Variants in AGPAT4 observed in about 807,000 individuals in gnomAD.
AGPAT4 encodes the protein 1-acyl-sn-glycerol-3-phosphate acyltransferase delta.
Under a neutral mutation model 48.0 loss-of-function variants are expected in AGPAT4, and 15 were observed. The ratio of observed to expected loss-of-function variants is 0.31; its 90% confidence interval spans 0.21 to 0.48. The LOEUF is 0.48. Among genes scored for constraint, AGPAT4 ranks in the 20% least tolerant of loss-of-function variants. The pLI is 0.99. For synonymous variants in AGPAT4, 178 were observed against 198.7 expected (o/e 0.90, Z 0.88); for missense variants, 314 against 482.5 (o/e 0.65, Z 3.27).
At position 161,142,338 on chromosome 6, in the gene AGPAT4, G is replaced by A. The variant is rs1779280721; in HGVS notation, c.844-2718C>T. ...ATGTCCGTGGCCCATCTTGGTTGTG[G>A]ACCCGTTTTGTAATAAAATTTGCCC... On this transcript the variant is annotated intron_variant, in intron 7 of 8. Coordinates refer to ENST00000320285, the MANE Select transcript of AGPAT4 (RefSeq NM_020133.3). The surrounding 1 kb of genome is among the most constrained non-coding windows in gnomAD (Gnocchi z 6.4). Among the ~76,000 whole-genome samples the A allele has an allele frequency of 6.6e-6, 1 of 152,184 alleles. No homozygotes were observed. Among genetic ancestry groups the A allele is most frequent in the Non-Finnish European group, 1.5e-5 (1 of 68,046 alleles).
At chr6:161,176,038 AG>A (rs1780418607) in intron 2 of AGPAT4, among the ~76,000 whole-genome samples, 1 of 152,204 alleles carries the variant, frequency 6.6e-6, no homozygotes, top group Non-Finnish European at 1.5e-5. Context: ...ACATTTGCTG[AG>A]GAGTGCTTTA....
chr6:161,265,020 A>G (rs113418135), intron 1 of AGPAT4, among the ~76,000 whole-genome samples: 12 of 152,300 alleles, frequency 7.9e-5, no homozygotes, highest in African/African-American at 2.9e-4. Context: ...TTGAAATACC[A>G]GCAACTGTGG....
At position 161,261,107 on chromosome 6, in the gene AGPAT4, T is replaced by A. The variant is rs1417447537; in HGVS notation, c.-90+12831A>T. ...CTCCCCCTTTTCTCCCACTGTTGAC[T>A]TGCCAAACATGTGTTTATCCTTCCA... On this transcript the variant is annotated intron_variant, in intron 1 of 8. Transcript: ENST00000320285. This position sits in a 1 kb window ranked among gnomAD's most constrained non-coding sequence, Gnocchi z 5.3. Among the ~76,000 whole-genome samples the A allele has an allele frequency of 6.6e-6, 1 of 152,182 alleles. No homozygotes were observed. The highest frequency in any genetic ancestry group is 1.5e-5 in the Non-Finnish European group (1 of 68,018).
At position 161,229,672 on chromosome 6, in the gene AGPAT4, G is replaced by A. The variant is rs905786652; in HGVS notation, c.178+2364C>T. 1.2e-4 allele frequency among the ~76,000 whole-genome samples: 18 copies of A among 152,036 alleles called. No homozygotes were observed. The highest frequency in any genetic ancestry group is 3.1e-4 in the African/African-American group (13 of 41,398). ...TGGCTTATCACCATGAGGTGCCCAC[G>A]AGCCACCCAGGATCATCACCCTCCC... On this transcript the variant is annotated intron_variant, in intron 2 of 8. Transcript: ENST00000320285. The surrounding 1 kb of genome is among the most constrained non-coding windows in gnomAD (Gnocchi z 6.0).
At chr6:161,162,952 C>T (rs576774118) in intron 3 of AGPAT4, among the ~76,000 whole-genome samples, 1 of 152,326 alleles carries the variant, frequency 6.6e-6, no homozygotes, top group East Asian at 1.9e-4. Flanking sequence ...CAGCTGACTG[C>T]GTGTCACTCT....
rs527885652 is a variant in AGPAT4, at chr6:161,240,778, G to A, written c.-89-8476C>T. On this transcript the variant is annotated intron_variant, in intron 1 of 8. Coordinates refer to ENST00000320285, the MANE Select transcript of AGPAT4 (RefSeq NM_020133.3). The surrounding 1 kb of genome is among the most constrained non-coding windows in gnomAD (Gnocchi z 5.5). ...TGAATGTGGCCAAAGTCTCCACCAG[G>A]GCGGCAACTAACTTGTACAGGTCTG... Among the ~76,000 whole-genome samples the A allele has an allele frequency of 6.6e-6, 1 of 152,164 alleles. No individual in the cohort carries two copies. Among genetic ancestry groups the A allele is most frequent in the South Asian group, 2.1e-4 (1 of 4,808 alleles).
chr6:161,202,472 C>G lies in AGPAT4; in HGVS notation c.178+29564G>C, dbSNP rs1781262389. ...CCTCACCTTGAAAGTTACAAAGCAC[C>G]ATTTATGTCACTTAGTTGAAGAGAA... On this transcript the variant is annotated intron_variant, in intron 2 of 8. Transcript: ENST00000320285. The surrounding 1 kb of genome is among the most constrained non-coding windows in gnomAD (Gnocchi z 5.4). Among the ~76,000 whole-genome samples the G allele has an allele frequency of 6.6e-6, 1 of 152,096 alleles. No individual in the cohort carries two copies. Among genetic ancestry groups the G allele is most frequent in the East Asian group, 1.9e-4 (1 of 5,180 alleles).
chr6:161,194,611 T>C (rs1433500107), intron 2 of AGPAT4, among the ~76,000 whole-genome samples: 4 of 150,596 alleles, frequency 2.7e-5, no homozygotes, highest in Non-Finnish European at 4.4e-5. Context: ...TGTGTCTATG[T>C]ATGTGTACAT....
In AGPAT4 at chr6:161,270,219, T is replaced by G. The variant is rs1056030859; in HGVS notation, c.-90+3719A>C. Among the ~76,000 whole-genome samples the G allele has an allele frequency of 1.4e-4, 21 of 152,186 alleles. No individual in the cohort carries two copies. Among genetic ancestry groups the G allele is most frequent in the African/African-American group, 5.1e-4 (21 of 41,438 alleles). The stretch of plus-strand genomic sequence containing the variant: ...ACCTATTAAACACGTAATAAACAGC[T>G]GTTGAAGAAAGAGTTCATGCTTTAA... On this transcript the variant is annotated intron_variant, in intron 1 of 8. Coordinates refer to ENST00000320285, the MANE Select transcript of AGPAT4 (RefSeq NM_020133.3). The surrounding 1 kb of genome is among the most constrained non-coding windows in gnomAD (Gnocchi z 5.3).
rs1326045237 is a variant in AGPAT4, at chr6:161,225,804, G to A, written c.178+6232C>T. On this transcript the variant is annotated intron_variant, in intron 2 of 8. Transcript: ENST00000320285. The surrounding 1 kb of genome is among the most constrained non-coding windows in gnomAD (Gnocchi z 5.0). Reference sequence around the variant, plus strand: ...GGTTGTCCCAACAGATAAACTCGTGGGCCGCTTGCTCAGTCCAGGAGGCAG... The same window carrying A: ...GGTTGTCCCAACAGATAAACTCGTGAGCCGCTTGCTCAGTCCAGGAGGCAG... Among the ~76,000 whole-genome samples the A allele has an allele frequency of 6.6e-6, 1 of 152,180 alleles. No individual in the cohort carries two copies. Among genetic ancestry groups the A allele is most frequent in the Non-Finnish European group, 1.5e-5 (1 of 68,022 alleles).
rs1562344057 is a variant in AGPAT4, at chr6:161,219,950, A to AGGCGG, written c.178+12085_178+12086insCCGCC. On this transcript the variant is annotated intron_variant, in intron 2 of 8. Coordinates refer to ENST00000320285, the MANE Select transcript of AGPAT4 (RefSeq NM_020133.3). The surrounding 1 kb of genome is among the most constrained non-coding windows in gnomAD (Gnocchi z 4.9). ...GGCAGGCAGGCAGGCAGGCAGGCAG[A>AGGCGG]CAGACAGACAGACAGACAGGCAGGC... is the stretch of plus-strand genomic sequence containing the variant. 1.1e-5 allele frequency among the ~76,000 whole-genome samples: 1 copy of AGGCGG among 91,670 alleles called. No homozygotes were observed. The allele number at this position is 91,670 out of a possible 152,430, so 60.1% of individuals were successfully genotyped here. A position where few individuals can be genotyped will look rare whatever the true frequency, so the allele number is the denominator to read the frequency against.
In AGPAT4 at chr6:161,141,901, C is replaced by T. The variant is rs576710702; in HGVS notation, c.844-2281G>A. Among the ~76,000 whole-genome samples the T allele has an allele frequency of 1.3e-3, 205 of 152,276 alleles. No homozygotes were observed. Among genetic ancestry groups the T allele is most frequent in the Non-Finnish European group, 2.2e-3 (148 of 68,014 alleles). ...TTTTTGAGACAGAGTCTCACTCTGT[C>T]GCACAGGCTGGAGTGCAATGGCACG... On this transcript the variant is annotated intron_variant, in intron 7 of 8. Coordinates refer to ENST00000320285, the MANE Select transcript of AGPAT4 (RefSeq NM_020133.3). This position sits in a 1 kb window ranked among gnomAD's most constrained non-coding sequence, Gnocchi z 6.7.
chr6:161,260,637 C>A (rs7742583), intron 1 of AGPAT4, among the ~76,000 whole-genome samples: 31,339 of 114,964 alleles, frequency 0.27, 3,863 homozygotes, highest in Admixed American at 0.44. Flanking sequence ...GCCTGGGCCA[C>A]AAAAGGAGAC....
In AGPAT4 at chr6:161,262,230, G is replaced by T. The variant is rs1187909811; in HGVS notation, c.-90+11708C>A. ...CTTAAAAAAAAATGAGCCTGAATTG[G>T]TTGGTCCAAGGTGGGGCCCAGGAAG... On this transcript the variant is annotated intron_variant, in intron 1 of 8. Coordinates refer to ENST00000320285, the MANE Select transcript of AGPAT4 (RefSeq NM_020133.3). The surrounding 1 kb of genome is among the most constrained non-coding windows in gnomAD (Gnocchi z 4.9). Among the ~76,000 whole-genome samples, 2 of 152,092 alleles carry T rather than the reference G, an allele frequency of 1.3e-5. No homozygotes were observed. Among genetic ancestry groups the T allele is most frequent in the African/African-American group, 4.8e-5 (2 of 41,418 alleles).
At chr6:161,170,062 C>T (rs921905304) in intron 2 of AGPAT4, among the ~76,000 whole-genome samples, 4 of 152,162 alleles carry the variant, frequency 2.6e-5, no homozygotes, top group Non-Finnish European at 5.9e-5. Context: ...GCAGGACATC[C>T]ACACCATCAA....
At position 161,232,466 on chromosome 6, in the gene AGPAT4, G is replaced by A. The variant is rs753561816; in HGVS notation, c.-89-164C>T. 2.0e-5 allele frequency among the ~76,000 whole-genome samples: 3 copies of A among 152,064 alleles called. No homozygotes were observed. Among genetic ancestry groups the A allele is most frequent in the African/African-American group, 7.2e-5 (3 of 41,394 alleles). On this transcript the variant is annotated intron_variant, in intron 1 of 8. Transcript: ENST00000320285. This position sits in a 1 kb window ranked among gnomAD's most constrained non-coding sequence, Gnocchi z 6.8. ...ATTGATGTAGTGCTTACTTCCTGTC[G>A]AGCATAGTCTAAGCCCTTTAACAAT...
chr6:161,150,428 G>A (rs1485711784), intron 5 of AGPAT4, among the ~76,000 whole-genome samples: 2 of 152,238 alleles, frequency 1.3e-5, no homozygotes, highest in African/African-American at 4.8e-5. Context: ...TAAATGATGA[G>A]CCAGACACTT....
intron 2 of AGPAT4, among the ~76,000 whole-genome samples, chr6:161,209,994 G>C (rs759760613): frequency 6.6e-6 from 1 of 152,124 alleles, no homozygotes; most frequent in Non-Finnish European, 1.5e-5. Flanking sequence ...TTAAGGAAGA[G>C]TATGGTTTAG....
intron 2 of AGPAT4, among the ~76,000 whole-genome samples, chr6:161,172,130 CA>C (rs1780283415): frequency 6.6e-6 from 1 of 152,096 alleles, no homozygotes; most frequent in African/African-American, 2.4e-5. Flanking sequence ...TGCATCAAAT[CA>C]GAATAAAAAC....
Sources: allele counts gnomAD v4.1 joint callset (sites outside exome capture counted in the v4.1 genomes callset), GRCh38; gene constraint gnomAD v4.1.1; non-coding constraint Gnocchi (gnomAD v3.1); transcripts MANE v1.5; gene names NCBI Gene and HGNC (gene_info 2026-07-23, HGNC 2026-07-21).